Variants in GUCY2F observed in about 807,000 individuals in gnomAD.
GUCY2F encodes retinal guanylyl cyclase 2.
Under a neutral mutation model 73.1 loss-of-function variants are expected in GUCY2F, and 61 were observed. That is an observed-to-expected ratio of 0.83 (90% CI 0.68 to 1.03). The LOEUF (loss-of-function observed/expected upper bound fraction) is 1.03, where lower values mean the gene tolerates loss of function less well. Ranked by LOEUF, GUCY2F falls within the 50% of genes least tolerant of loss-of-function variation. GUCY2F has a pLI of 0.00. For missense variants in GUCY2F, 912 were observed against 854.3 expected, an observed-to-expected ratio of 1.07 and a Z score of -0.84; for synonymous variants, 331 against 307.8, an observed-to-expected ratio of 1.08 and a Z score of -0.79.
Position 109,441,370 on chromosome X carries a change from G to T in GUCY2F, c.1682C>A (p.Ser561Tyr), listed in dbSNP as rs756031993. ...TCTTACCTCATAAATCGCTATGTTGGAGTTTTCATAGGTAGCTGGAGTTAG... is the reference window on the plus strand; with the variant it reads ...TCTTACCTCATAAATCGCTATGTTGTAGTTTTCATAGGTAGCTGGAGTTAG... ...GSLTPATYENSNIAIYEGDWV... is the reference protein window; with the variant it reads ...GSLTPATYENYNIAIYEGDWV... The change falls in exon 7 of 20, where the codon TCC (serine) becomes TAC (tyrosine). Residue 561 changes from serine (S) to tyrosine (Y), a missense_variant. Physicochemically the swap from Ser to Tyr is moderately radical, Grantham distance 144 (BLOSUM62 -2). Transcript: ENST00000218006. 11 of 1,146,756 alleles carry T rather than the reference G, an allele frequency of 9.6e-6. No individual in the cohort carries two copies. In the African/African-American group the frequency reaches 1.8e-4, roughly 19 times the overall value. 94.5% of individuals were successfully genotyped at this position (1,146,756 alleles called of 1,213,427 possible). A position where few individuals can be genotyped will look rare whatever the true frequency, so the allele number is the denominator to read the frequency against.
At chrX:109,455,938 A>G (rs918275479) in intron 3 of GUCY2F, among the ~76,000 whole-genome samples, 1 of 112,412 alleles carries the variant, frequency 8.9e-6, no homozygotes, top group African/African-American at 3.2e-5. Flanking sequence ...GAGTCTTGTC[A>G]GTCTACGTTA....
chrX:109,452,581 G>GT (rs1402724289), intron 4 of GUCY2F, among the ~76,000 whole-genome samples: 1 of 111,771 alleles, frequency 8.9e-6, no homozygotes, highest in Non-Finnish European at 1.9e-5. Context: ...GGTAAGTCTG[G>GT]TTTTGATAAT....
intron 14 of GUCY2F, among the ~76,000 whole-genome samples, chrX:109,391,621 T>A (rs1465643918): frequency 9.0e-6 from 1 of 111,662 alleles, no homozygotes; most frequent in African/African-American, 3.3e-5. Flanking sequence ...GCAATAACTC[T>A]CTTGGTCCCA....
chrX:109,387,623 A>G lies in GUCY2F; in HGVS notation c.2956+866T>C, dbSNP rs186086759. 6.3e-4 allele frequency among the ~76,000 whole-genome samples: 70 copies of G among 111,954 alleles called. 2 individuals carry two copies. In the East Asian group the frequency reaches 9.1e-3, roughly 15 times the overall value. On this transcript the variant is annotated intron_variant, in intron 15 of 19. Transcript: ENST00000218006. Reference sequence around the variant, plus strand: ...AGTGGATCCTGACAGAACACTGGAGAAGACCAATATAAGGGACAATTAGAG... The same window carrying G: ...AGTGGATCCTGACAGAACACTGGAGGAGACCAATATAAGGGACAATTAGAG...
chrX:109,411,518 CTT>C (rs758075700), intron 8 of GUCY2F, among the ~76,000 whole-genome samples: 147 of 111,801 alleles, frequency 1.3e-3, no homozygotes, highest in Non-Finnish European at 2.0e-3. Context: ...TTCCCTCACT[CTT>C]TACCTGAAAG....
intron 2 of GUCY2F, among the ~76,000 whole-genome samples, chrX:109,465,697 T>C (rs1308976251): frequency 8.9e-6 from 1 of 111,835 alleles, no homozygotes; most frequent in Non-Finnish European, 1.9e-5. Context: ...ACTAGTATAA[T>C]CAATGGGGAG....
In GUCY2F at chrX:109,398,681, G is replaced by C; in HGVS notation, c.2143C>G (p.Pro715Ala). 8.3e-7 allele frequency: 1 copy of C among 1,209,931 alleles called. No individual in the cohort carries two copies. The highest frequency in any genetic ancestry group is 1.1e-6 in the Non-Finnish European group (1 of 894,255). Residue 715 changes from proline to alanine, a missense_variant, in exon 11 of 20, where the codon CCT becomes GCT. By Grantham distance (27) the Pro-to-Ala change is conservative (BLOSUM62 -1). Transcript: ENST00000218006. ...CCTCTTGGAGCTCTCAACAGTTCAGGGGCCGTCCACAGCAGCTCTAAAAAG... is the reference window on the plus strand; with the variant it reads ...CCTCTTGGAGCTCTCAACAGTTCAGCGGCCGTCCACAGCAGCTCTAAAAAG... ...SSMEELLWTA[P>A]ELLRAPRGSR... is the part of the protein sequence containing the mutation.
chrX:109,451,996 T>C, intron 5 of GUCY2F, 27 bp downstream of exon 5: 1 of 752,751 alleles, frequency 1.3e-6, no homozygotes, highest in Non-Finnish European at 2.1e-6. Context: ...TTGTATTTTT[T>C]ATATACAAAA....
At chrX:109,419,384 T>A (rs1020051797) in intron 8 of GUCY2F, among the ~76,000 whole-genome samples, 1 of 110,965 alleles carries the variant, frequency 9.0e-6, no homozygotes, top group African/African-American at 3.2e-5. Context: ...GATATTAGGA[T>A]GTGCTTAATA....
intron 8 of GUCY2F, among the ~76,000 whole-genome samples, chrX:109,415,557 T>C (rs1253925655): frequency 4.5e-5 from 5 of 111,995 alleles, no homozygotes; most frequent in Non-Finnish European, 5.6e-5. Flanking sequence ...GCAGCATGGA[T>C]TGAGAGTAGA....
chrX:109,453,202 G>A (rs1057026507), intron 4 of GUCY2F, among the ~76,000 whole-genome samples: 1 of 111,411 alleles, frequency 9.0e-6, no homozygotes, highest in African/African-American at 3.3e-5. Context: ...CTACAAAAGA[G>A]CAAGAAGAAG....
intron 6 of GUCY2F, among the ~76,000 whole-genome samples, chrX:109,445,214 C>T (rs1931973306): frequency 8.9e-6 from 1 of 112,112 alleles, no homozygotes; most frequent in Non-Finnish European, 1.9e-5. Context: ...ACATTACAAT[C>T]ACAACCAGAG....
intron 10 of GUCY2F, among the ~76,000 whole-genome samples, chrX:109,403,670 A>T (rs1033370093): frequency 2.7e-5 from 3 of 112,000 alleles, no homozygotes; most frequent in African/African-American, 9.7e-5. Context: ...TTTCCAATAA[A>T]ACCCCCAACT....
intron 3 of GUCY2F, among the ~76,000 whole-genome samples, chrX:109,463,131 C>A (rs1932396333): frequency 9.0e-6 from 1 of 111,698 alleles, no homozygotes; most frequent in Admixed American, 9.5e-5. Context: ...ACCTAAATTT[C>A]ATTTGAATCA....
In GUCY2F at chrX:109,481,943, C is replaced by T. The variant is rs1932767640; in HGVS notation, c.-163G>A. 9.0e-6 allele frequency: 1 copy of T among 111,697 alleles called. No homozygotes were observed. Among genetic ancestry groups the T allele is most frequent in the African/African-American group, 3.3e-5 (1 of 30,689 alleles). The allele number at this position is 111,697 out of a possible 1,213,427, so 9.2% of individuals were successfully genotyped here. A position where few individuals can be genotyped will look rare whatever the true frequency, so the allele number is the denominator to read the frequency against. On this transcript the variant is annotated 5_prime_UTR_variant, in exon 1 of 20. It removes an upstream start codon present in the reference 5' UTR. Transcript: ENST00000218006. ...ACTGGCATAGCTACCTCAGTGTGTC[C>T]ATTTCTTTGCATCCTCTATGCATTC... is the stretch of plus-strand genomic sequence containing the variant.
At chrX:109,442,522 G>C in intron 6 of GUCY2F, among the ~76,000 whole-genome samples, 1 of 111,431 alleles carries the variant, frequency 9.0e-6, no homozygotes, top group Non-Finnish European at 1.9e-5. Context: ...TACTTTGCTT[G>C]CCAATAAAAA....
intron 12 of GUCY2F, among the ~76,000 whole-genome samples, chrX:109,394,112 T>C (rs111948796): frequency 3.2e-4 from 36 of 111,867 alleles, no homozygotes; most frequent in African/African-American, 1.1e-3. Context: ...ACTTAAGTTT[T>C]ATTAACTGCA....
intron 2 of GUCY2F, among the ~76,000 whole-genome samples, chrX:109,470,178 ATGTTTCCTCC>A (rs1932546358): frequency 8.9e-6 from 1 of 112,031 alleles, no homozygotes; most frequent in South Asian, 3.7e-4. Context: ...CTTGAAACAT[ATGTTTCCTCC>A]TGTTTTTCCT....
chrX:109,452,570 G>T (rs1255026043), intron 4 of GUCY2F, among the ~76,000 whole-genome samples: 1 of 111,825 alleles, frequency 8.9e-6, no homozygotes, highest in African/African-American at 3.2e-5. Flanking sequence ...TCAAGGGTGA[G>T]GGTAAGTCTG....
Sources: gnomAD v4.1 joint callset for allele counts (sites outside exome capture counted in the v4.1 genomes callset) on GRCh38, gnomAD v4.1.1 for gene constraint, MANE v1.5 for transcripts, NCBI Gene and HGNC (gene_info 2026-07-23, HGNC 2026-07-21) for gene names.